SYK: variants seen among roughly 807,000 people sequenced by gnomAD.
The protein encoded by SYK is spleen associated tyrosine kinase, also known as tyrosine-protein kinase SYK.
Under a neutral mutation model 77.8 loss-of-function variants are expected in SYK, and 16 were observed. The ratio of observed to expected loss-of-function variants is 0.21; its 90% CI spans 0.14 to 0.31. The LOEUF is 0.31. SYK is among the 10% of genes least tolerant of loss of function. The probability of loss-of-function intolerance (pLI) is 1.00; values close to 1 mark genes in which losing one functional copy is unlikely to be tolerated. For missense variants in SYK, 529 were observed against 814.4 expected (o/e 0.65, Z 4.26); for synonymous variants, 312 against 308.7 (o/e 1.01, Z -0.11).
rs750138411 is a variant in SYK at position 90,865,083 on chromosome 9, G to C, written c.832G>C (p.Gly278Arg). ...TTTTGGAGGCCGTCCACAACTTCCA[G>C]GTTCCCATCCTGCGGTAAGTGTCAC... The part of the protein sequence containing the change: ...VNFGGRPQLP[G>R]SHPATWSAGG... Residue 278 changes from glycine to arginine, a missense_variant, in exon 6 of 14, where the codon GGT becomes CGT. This residue lies in a region of SYK where 321 missense variants were observed against 433.1 expected (regional missense o/e 0.74). Coordinates refer to ENST00000375754, the MANE Select transcript of SYK (RefSeq NM_003177.7). The C allele has an allele frequency of 1.9e-6, 3 of 1,613,968 alleles. No homozygotes were observed. Among genetic ancestry groups the C allele is most frequent in the Non-Finnish European group, 2.5e-6 (3 of 1,180,006 alleles).
chr9:90,874,923 G>A, intron 9 of SYK, 74 bp downstream of exon 9: 2 of 1,539,122 alleles, frequency 1.3e-6, no homozygotes, highest in Non-Finnish European at 8.9e-7. Context: ...ATAACAAAAT[G>A]TAACCTGGCA....
chr9:90,865,180 G>A, intron 6 of SYK, 83 bp downstream of exon 6: 1 of 1,364,478 alleles, frequency 7.3e-7, no homozygotes, highest in Non-Finnish European at 1.0e-6. Flanking sequence ...AACAGGAGTA[G>A]TAGGCATTGA....
At chr9:90,871,798 G>A (rs1474552337) in intron 7 of SYK, among the ~76,000 whole-genome samples, 1 of 152,232 alleles carries the variant, frequency 6.6e-6, no homozygotes, top group African/African-American at 2.4e-5. Flanking sequence ...ATGTGGGGTT[G>A]TTGAGAGACA....
At chr9:90,874,376 C>A in intron 8 of SYK, 85 bp downstream of exon 8, 1 of 1,369,004 alleles carries the variant, frequency 7.3e-7, no homozygotes, top group Non-Finnish European at 1.0e-6. Context: ...CACGAATCCA[C>A]ACCACGTCCG....
At chr9:90,844,547 C>A (rs1826507749) in intron 2 of SYK, among the ~76,000 whole-genome samples, 1 of 152,232 alleles carries the variant, frequency 6.6e-6, no homozygotes, top group African/African-American at 2.4e-5. Flanking sequence ...TGGGTTTCTC[C>A]ACAGCAGGGA....
At position 90,895,618 on chromosome 9, in the gene SYK, G is replaced by C. The variant is rs779559674; in HGVS notation, c.*18G>C. 4 of 1,611,832 alleles carry C rather than the reference G, an allele frequency of 2.5e-6. No individual in the cohort carries two copies. Among genetic ancestry groups the C allele is most frequent in the South Asian group, 1.1e-5 (1 of 91,020 alleles). ...TGAACTAACCGCTCCCGCACCTGTC[G>C]GTGGCTGCCTTTGATCACAGGAGCA... is the stretch of plus-strand genomic sequence containing the variant. On this transcript the variant is annotated 3_prime_UTR_variant, in exon 14 of 14. Transcript: ENST00000375754. This position sits in a 1 kb window ranked among gnomAD's most constrained non-coding sequence, Gnocchi z 4.4.
chr9:90,842,752 GGA>G (rs200112654), intron 1 of SYK, among the ~76,000 whole-genome samples: 3,473 of 83,998 alleles, frequency 0.041, 66 homozygotes, highest in South Asian at 0.073. Flanking sequence ...CATGTGGTAT[GGA>G]GAGAGTGTGT....
intron 7 of SYK, among the ~76,000 whole-genome samples, chr9:90,869,529 C>A (rs1406561657): frequency 5.3e-5 from 8 of 152,056 alleles, no homozygotes; most frequent in African/African-American, 1.9e-4. Context: ...GGGAACTTTC[C>A]ATTATGTAAT....
chr9:90,820,695 G>A (rs1401989773), intron 1 of SYK, among the ~76,000 whole-genome samples: 1 of 152,170 alleles, frequency 6.6e-6, no homozygotes, highest in Non-Finnish European at 1.5e-5. Flanking sequence ...CTGCTGTGGA[G>A]GTCTCTGACA....
intron 1 of SYK, among the ~76,000 whole-genome samples, chr9:90,810,630 T>C (rs1002929625): frequency 1.3e-5 from 2 of 152,162 alleles, no homozygotes; most frequent in African/African-American, 4.8e-5. Context: ...CTAAGGCCCC[T>C]GAAATGAGCC....
At chr9:90,814,357 G>T (rs909589187) in intron 1 of SYK, among the ~76,000 whole-genome samples, 4 of 152,134 alleles carry the variant, frequency 2.6e-5, no homozygotes, top group African/African-American at 9.7e-5. Flanking sequence ...GCCACTGACC[G>T]CTCAATTACT....
At chr9:90,844,351 G>GAGCA in intron 2 of SYK, 36 bp downstream of exon 2, 1 of 1,520,400 alleles carries the variant, frequency 6.6e-7, no homozygotes, top group Admixed American at 2.2e-5. Context: ...TGGGCCCAGG[G>GAGCA]GGCCCTGTGA....
At chr9:90,890,329 G>GT (rs1428513354) in intron 13 of SYK, among the ~76,000 whole-genome samples, 1 of 152,210 alleles carries the variant, frequency 6.6e-6, no homozygotes, top group Non-Finnish European at 1.5e-5. Context: ...ATGGACGCAC[G>GT]TAACAGTGGG....
intron 2 of SYK, among the ~76,000 whole-genome samples, chr9:90,844,698 T>G (rs1282719551): frequency 6.6e-6 from 1 of 152,234 alleles, no homozygotes; most frequent in African/African-American, 2.4e-5. Context: ...CTTGCAGAAC[T>G]TTCTGTGTCA....
intron 1 of SYK, among the ~76,000 whole-genome samples, chr9:90,839,970 G>A (rs917057263): frequency 2.0e-5 from 3 of 152,152 alleles, no homozygotes; most frequent in Non-Finnish European, 4.4e-5. Context: ...GCTGATGTGC[G>A]CTTTGAGGGA....
At chr9:90,881,888 C>T (rs1828173473) in intron 11 of SYK, among the ~76,000 whole-genome samples, 1 of 152,072 alleles carries the variant, frequency 6.6e-6, no homozygotes, top group African/African-American at 2.4e-5. Context: ...CGGGCTGCCA[C>T]GGCAAAAATC....
chr9:90,830,578 C>T (rs1038172703), intron 1 of SYK, among the ~76,000 whole-genome samples: 6 of 145,526 alleles, frequency 4.1e-5, no homozygotes, highest in African/African-American at 7.7e-5. Context: ...TGGACTCATT[C>T]CTCTTTTTTT....
intron 1 of SYK, among the ~76,000 whole-genome samples, chr9:90,834,437 G>A (rs552301042): frequency 1.3e-5 from 2 of 152,238 alleles, no homozygotes; most frequent in Non-Finnish European, 2.9e-5. Flanking sequence ...TTGCTATAGT[G>A]CCCAGGTCAC....
At chr9:90,839,770 G>C (rs74527110) in intron 1 of SYK, among the ~76,000 whole-genome samples, 61 of 152,290 alleles carry the variant, frequency 4.0e-4, no homozygotes, top group African/African-American at 1.4e-3. Flanking sequence ...GGGGACACAA[G>C]CATCGGGGCC....
Sources: gnomAD v4.1 joint callset for allele counts (sites outside exome capture counted in the v4.1 genomes callset) on GRCh38, gnomAD v4.1.1 for gene constraint, gnomAD v4.1.1 regional missense constraint, Gnocchi (gnomAD v3.1) non-coding constraint, MANE v1.5 for transcripts, NCBI Gene and HGNC (gene_info 2026-07-23, HGNC 2026-07-21) for gene names.